KCNIP4: variants seen among roughly 807,000 people sequenced by gnomAD.
KCNIP4 encodes the protein Kv channel-interacting protein 4.
KCNIP4 carries 12 observed loss-of-function variants against 34.0 expected under a neutral mutation model. The observed-to-expected ratio is 0.35, with a 90% CI of 0.23 to 0.57. The LOEUF (loss-of-function observed/expected upper bound fraction) is 0.57. Among genes scored for constraint, KCNIP4 ranks in the 20% least tolerant of loss-of-function variants. KCNIP4 has a pLI of 0.83. For synonymous variants in KCNIP4, 124 were observed against 102.2 expected (o/e 1.21, Z -1.29); for missense variants, 238 against 311.7 (o/e 0.76, Z 1.78).
At chr4:20,886,650 T>C (rs1344836346) in intron 1 of KCNIP4, among the ~76,000 whole-genome samples, 1 of 152,164 alleles carries the variant, frequency 6.6e-6, no homozygotes, top group Non-Finnish European at 1.5e-5. Context: ...ACCTCTGGCG[T>C]TGCCCTGAGA....
At position 20,950,131 on chromosome 4, in the gene KCNIP4, T is replaced by TAA. The variant is rs57425716; in HGVS notation, c.62-67424_62-67423dup. Reference sequence around the variant, plus strand: ...AGAGAAATAAAAATATTTTTTAAATTAAAAAAAAAAAAAAGAAAATACTGG... The same window carrying TAA: ...AGAGAAATAAAAATATTTTTTAAATTAAAAAAAAAAAAAAAAGAAAATACTGG... On this transcript the variant is annotated intron_variant, in intron 1 of 8. Transcript: ENST00000382152. 4.2e-3 allele frequency among the ~76,000 whole-genome samples: 580 copies of TAA among 137,640 alleles called. 5 individuals carry two copies. The highest frequency in any genetic ancestry group is 0.016 in the Middle Eastern group (4 of 252). 90.3% of individuals were successfully genotyped at this position (137,640 alleles called of 152,430 possible). A position where few individuals can be genotyped will look rare whatever the true frequency, so the allele number is the denominator to read the frequency against.
intron 1 of KCNIP4, among the ~76,000 whole-genome samples, chr4:21,602,710 G>T (rs1357749585): frequency 6.6e-6 from 1 of 152,174 alleles, no homozygotes; most frequent in South Asian, 2.1e-4. Flanking sequence ...AACTGTAGCT[G>T]TGGGTACTCA....
chr4:21,509,888 C>T (rs758812214), intron 1 of KCNIP4, among the ~76,000 whole-genome samples: 10 of 151,972 alleles, frequency 6.6e-5, no homozygotes, highest in South Asian at 2.1e-4. Flanking sequence ...GAGGCTGAGG[C>T]GGGTGGATCA....
chr4:21,422,903 G>T (rs1171053761), intron 1 of KCNIP4, among the ~76,000 whole-genome samples: 1 of 152,174 alleles, frequency 6.6e-6, no homozygotes, highest in East Asian at 1.9e-4. Context: ...TTGACCAGAA[G>T]ATACTACGAG....
intron 1 of KCNIP4, among the ~76,000 whole-genome samples, chr4:20,909,292 T>C (rs1728102387): frequency 6.6e-6 from 1 of 152,234 alleles, no homozygotes; most frequent in African/African-American, 2.4e-5. Flanking sequence ...TGTTATTTCA[T>C]AGAGCATATT....
chr4:21,746,931 G>A (rs1716820040), intron 1 of KCNIP4, among the ~76,000 whole-genome samples: 1 of 152,120 alleles, frequency 6.6e-6, no homozygotes, highest in Non-Finnish European at 1.5e-5. Flanking sequence ...GTTGTTATTT[G>A]TTTCTATTTA....
intron 5 of KCNIP4, 53 bp from the exon 6 acceptor site, chr4:20,734,788 CA>C (rs370525081): frequency 4.9e-5 from 45 of 919,322 alleles, no homozygotes; most frequent in African/African-American, 3.8e-4. Flanking sequence ...AAAACAAAAA[CA>C]AAAAAAACAA....
chr4:20,917,709 C>G (rs1361284826), intron 1 of KCNIP4, among the ~76,000 whole-genome samples: 1 of 152,146 alleles, frequency 6.6e-6, no homozygotes, highest in African/African-American at 2.4e-5. Flanking sequence ...AGAAACAAAT[C>G]TGGCCAGGTG....
At chr4:21,837,532 CAAAAAA>C (rs60449238) in intron 1 of KCNIP4, among the ~76,000 whole-genome samples, 2 of 78,554 alleles carry the variant, frequency 2.5e-5, no homozygotes, top group Non-Finnish European at 4.3e-5. Context: ...AAAACGCTGT[CAAAAAA>C]AAAAAAAAAG....
intron 3 of KCNIP4, among the ~76,000 whole-genome samples, chr4:20,781,578 T>C (rs572390235): frequency 6.6e-6 from 1 of 152,142 alleles, no homozygotes; most frequent in East Asian, 1.9e-4. Context: ...ATGAGGAAGA[T>C]GAAAGAATGA....
chr4:21,848,027 A>C (rs545683768), intron 1 of KCNIP4: 1 of 152,270 alleles, frequency 6.6e-6, no homozygotes, highest in African/African-American at 2.4e-5. Flanking sequence ...ATTCAGAATC[A>C]CTGCAGAGGA....
At chr4:21,708,666 A>C (rs1357886840) in intron 1 of KCNIP4, among the ~76,000 whole-genome samples, 1 of 152,112 alleles carries the variant, frequency 6.6e-6, no homozygotes, top group Non-Finnish European at 1.5e-5. Context: ...CTTCCATTTC[A>C]AAACAAATCA....
At chr4:21,484,565 C>A (rs1731750303) in intron 1 of KCNIP4, among the ~76,000 whole-genome samples, 2 of 152,154 alleles carry the variant, frequency 1.3e-5, no homozygotes, top group Admixed American at 1.3e-4. Context: ...ATACACTGTG[C>A]AACCTGACAT....
At chr4:21,559,574 G>T (rs537226038) in intron 1 of KCNIP4, among the ~76,000 whole-genome samples, 1 of 152,168 alleles carries the variant, frequency 6.6e-6, no homozygotes, top group South Asian at 2.1e-4. Flanking sequence ...GGCTCAACAG[G>T]TTGCTGATGG....
intron 1 of KCNIP4, among the ~76,000 whole-genome samples, chr4:21,255,501 T>C (rs146330961): frequency 1.1e-3 from 168 of 152,246 alleles, no homozygotes; most frequent in African/African-American, 3.8e-3. Flanking sequence ...ACCTGCTTCA[T>C]CTGACATTTA....
chr4:21,011,135 G>A (rs960339734), intron 1 of KCNIP4, among the ~76,000 whole-genome samples: 5 of 152,184 alleles, frequency 3.3e-5, no homozygotes, highest in Non-Finnish European at 5.9e-5. Flanking sequence ...GGAAAATACA[G>A]TCATTAAAAA....
At position 21,643,850 on chromosome 4, in the gene KCNIP4, T is replaced by C. The variant is rs1310330061; in HGVS notation, c.61+304721A>G. Among the ~76,000 whole-genome samples the C allele has an allele frequency of 6.1e-5, 7 of 114,124 alleles. No individual in the cohort carries two copies. In the East Asian group the frequency reaches 1.4e-3, roughly 23 times the overall value. The allele number at this position is 114,124 out of a possible 152,430, so 74.9% of individuals were successfully genotyped here. On this transcript the variant is annotated intron_variant, in intron 1 of 8. Coordinates refer to ENST00000382152, the MANE Select transcript of KCNIP4 (RefSeq NM_025221.6). ...AATAAATCTCTAGACTGATAGATGA[T>C]AGATAGGTGATGATGATGATGATAG...
At chr4:21,075,123 G>A (rs1411909268) in intron 1 of KCNIP4, among the ~76,000 whole-genome samples, 1 of 152,174 alleles carries the variant, frequency 6.6e-6, no homozygotes, top group Non-Finnish European at 1.5e-5. Flanking sequence ...TGTTGATTTG[G>A]GGTGGAGAGT....
chr4:21,283,554 A>G (rs1168183104), intron 1 of KCNIP4, among the ~76,000 whole-genome samples: 3 of 150,380 alleles, frequency 2.0e-5, no homozygotes, highest in Admixed American at 6.7e-5. Flanking sequence ...TCCTTACTCG[A>G]CCATAAGTTT....
Sources: allele counts gnomAD v4.1 joint callset (sites outside exome capture counted in the v4.1 genomes callset), GRCh38; gene constraint gnomAD v4.1.1; transcripts MANE v1.5; gene names NCBI Gene and HGNC (gene_info 2026-07-23, HGNC 2026-07-21).